The following TMEM114 variants were observed in gnomAD, a reference collection of about 807,000 sequenced individuals.
TMEM114 encodes transmembrane protein 114.
A neutral mutation model predicts 6.2 loss-of-function variants in TMEM114; 6 were observed. The observed-to-expected ratio is 0.97, with a 90% CI of 0.53 to 1.91. The LOEUF (loss-of-function observed/expected upper bound fraction) is 1.91. TMEM114 is among the 40% of genes most tolerant of loss of function. The pLI, the probability that TMEM114 is intolerant of heterozygous loss-of-function variation, is 0.01. For synonymous variants in TMEM114, 104 were observed against 73.0 expected (o/e 1.42, Z -2.16); for missense variants, 218 against 158.3 (o/e 1.38, Z -2.02).
Position 8,576,458 on chromosome 16 carries a change from C to T in TMEM114, c.302-4234G>A, listed in dbSNP as rs547434051. ...CCCCAACTTGAACTGCAGGGGTGTC[C>T]CCACTGGTCTCTGGCTGGAGGGAAC... On this transcript the variant is annotated intron_variant, in intron 2 of 3. Transcript: ENST00000620492. Among the ~76,000 whole-genome samples, 5 of 152,264 alleles carry T rather than the reference C, an allele frequency of 3.3e-5. No individual in the cohort carries two copies. The South Asian group carries it at 8.3e-4, about 25-fold the overall frequency.
At chr16:8,569,359 G>C (rs1043028146), downstream of TMEM114, 4 of 704,160 alleles carry the variant, frequency 5.7e-6, no homozygotes, top group Admixed American at 5.5e-5. Flanking sequence ...CCCAGAGAGA[G>C]CTGAACGCAT....
chr16:8,557,815 C>T (rs754424235), intron 2 of TMEM114, among the ~76,000 whole-genome samples: 3 of 152,210 alleles, frequency 2.0e-5, no homozygotes, highest in East Asian at 1.9e-4. Flanking sequence ...GTAACGTGAG[C>T]TGTTATTAAC....
In TMEM114 at chr16:8,569,512, A is replaced by G. The variant is rs1901650373; in HGVS notation, c.*261T>C. ...GTAAAGCTCTGTGTGTGATTAAAGG[A>G]TCGTTTTTATTTCTCGCGAAGCGGT... On this transcript the variant is annotated 3_prime_UTR_variant, in exon 4 of 4. Transcript: ENST00000620492. The G allele has an allele frequency of 7.3e-7, 1 of 1,379,234 alleles. No individual in the cohort carries two copies. The allele number at this position is 1,379,234 out of a possible 1,614,324, so 85.4% of individuals were successfully genotyped here. A position where few individuals can be genotyped will look rare whatever the true frequency, so the allele number is the denominator to read the frequency against.
chr16:8,588,840 A>G (rs1033758368), intron 2 of TMEM114, among the ~76,000 whole-genome samples: 3 of 152,216 alleles, frequency 2.0e-5, no homozygotes, highest in African/African-American at 7.2e-5. Context: ...AGGCTAATTT[A>G]GGTCCCTGCA....
chr16:8,529,592 G>GT, the TMEM114 span, among the ~76,000 whole-genome samples: 2 of 152,116 alleles, frequency 1.3e-5, no homozygotes, highest in East Asian at 3.9e-4. Context: ...ATTGGAATAG[G>GT]TAGGCAGAGG....
downstream of TMEM114, among the ~76,000 whole-genome samples, chr16:8,567,672 G>C (rs1901588779): frequency 6.6e-6 from 1 of 152,128 alleles, no homozygotes; most frequent in Non-Finnish European, 1.5e-5. Context: ...CAAATGTCAG[G>C]TGGGGGAGAG....
chr16:8,534,816 G>T (rs1204752847), downstream of TMEM114, among the ~76,000 whole-genome samples: 2 of 152,214 alleles, frequency 1.3e-5, no homozygotes, highest in Non-Finnish European at 1.5e-5. Flanking sequence ...GATACTGGCT[G>T]TGGGCCTTTG....
chr16:8,562,558 C>G (rs62645658), intron 2 of TMEM114, among the ~76,000 whole-genome samples: 13,251 of 45,266 alleles, frequency 0.29, 752 homozygotes, highest in Middle Eastern at 0.41. Context: ...GTGAGTGCGT[C>G]AATGAGTGAG....
chr16:8,563,740 A>C (rs527675718), intron 2 of TMEM114, among the ~76,000 whole-genome samples: 1 of 150,940 alleles, frequency 6.6e-6, no homozygotes, highest in Admixed American at 6.5e-5. Flanking sequence ...TGAGTGAATG[A>C]ATGAGTCAGT....
At chr16:8,558,275 C>T (rs1428528084) in intron 2 of TMEM114, among the ~76,000 whole-genome samples, 1 of 152,010 alleles carries the variant, frequency 6.6e-6, no homozygotes, top group Non-Finnish European at 1.5e-5. Flanking sequence ...AAACAAAGTT[C>T]AAAATCAAGG....
intron 2 of TMEM114, among the ~76,000 whole-genome samples, chr16:8,581,068 T>C (rs1902133038): frequency 6.6e-6 from 1 of 152,200 alleles, no homozygotes; most frequent in Non-Finnish European, 1.5e-5. Context: ...ATTGGCAGTA[T>C]ATTTGTCTAT....
At chr16:8,588,471 A>T (rs1338303755) in intron 2 of TMEM114, among the ~76,000 whole-genome samples, 1 of 152,216 alleles carries the variant, frequency 6.6e-6, no homozygotes, top group Non-Finnish European at 1.5e-5. Flanking sequence ...GATGAAAAGC[A>T]GTTCGCTCCA....
In TMEM114 at chr16:8,589,995, C is replaced by G. The variant is rs1331116985; in HGVS notation, c.-157G>C. On this transcript the variant is annotated 5_prime_UTR_variant, in exon 1 of 4. Transcript: ENST00000620492. ...AAAGCCTTTCCTTTGGACCCCGGGC[C>G]CTAGCTTAGACCCTGGCTCCTCACC... 5 of 383,468 alleles carry G rather than the reference C, an allele frequency of 1.3e-5. No homozygotes were observed. Among genetic ancestry groups the G allele is most frequent in the Non-Finnish European group, 2.3e-5 (5 of 216,890 alleles). The allele number at this position is 383,468 out of a possible 1,614,324, so 23.8% of individuals were successfully genotyped here. A position where few individuals can be genotyped will look rare whatever the true frequency, so the allele number is the denominator to read the frequency against.
chr16:8,547,942 T>A (rs753487749), intron 2 of TMEM114, among the ~76,000 whole-genome samples: 2 of 152,084 alleles, frequency 1.3e-5, no homozygotes, highest in Non-Finnish European at 2.9e-5. Context: ...ACCTCCAACA[T>A]CTGGATTTGC....
intron 2 of TMEM114, among the ~76,000 whole-genome samples, chr16:8,557,027 T>C (rs188094609): frequency 0.014 from 2,161 of 152,162 alleles, 65 homozygotes; most frequent in Non-Finnish European, 0.015. Context: ...GAAGAAATAA[T>C]GAATCGGTGA....
chr16:8,578,083 G>T (rs1171190718), intron 2 of TMEM114, among the ~76,000 whole-genome samples: 1 of 152,140 alleles, frequency 6.6e-6, no homozygotes, highest in East Asian at 1.9e-4. Context: ...TGCAGGCTGT[G>T]ACGTGTCACA....
At chr16:8,529,922 T>A in the TMEM114 span, among the ~76,000 whole-genome samples, 1 of 152,190 alleles carries the variant, frequency 6.6e-6, no homozygotes, top group Non-Finnish European at 1.5e-5. Context: ...GTATTTGCAC[T>A]CAACCTGAAA....
At chr16:8,545,940 C>A (rs548388405) in intron 2 of TMEM114, among the ~76,000 whole-genome samples, 1 of 152,032 alleles carries the variant, frequency 6.6e-6, no homozygotes, top group Non-Finnish European at 1.5e-5. Flanking sequence ...CATAGCAAGA[C>A]CCTATCTCTA....
intron 2 of TMEM114, among the ~76,000 whole-genome samples, chr16:8,544,351 C>T (rs1010161737): frequency 6.6e-6 from 1 of 152,176 alleles, no homozygotes; most frequent in South Asian, 2.1e-4. Flanking sequence ...AAGCTGGGTC[C>T]TGTGCATATA....
Sources: gnomAD v4.1 joint callset for allele counts (sites outside exome capture counted in the v4.1 genomes callset) on GRCh38, gnomAD v4.1.1 for gene constraint, MANE v1.5 for transcripts, NCBI Gene and HGNC (gene_info 2026-07-23, HGNC 2026-07-21) for gene names.